NPAS3: variants seen among roughly 807,000 people sequenced by gnomAD.
The protein encoded by NPAS3 is neuronal PAS domain-containing protein 3.
NPAS3 carries 14 observed loss-of-function variants against 73.1 expected under a neutral mutation model. The ratio of observed to expected loss-of-function variants is 0.19; its 90% CI spans 0.13 to 0.30. The LOEUF (loss-of-function observed/expected upper bound fraction) is 0.30, where lower values mean the gene tolerates loss of function less well. Among genes scored for constraint, NPAS3 ranks in the 10% least tolerant of loss-of-function variants. The pLI is 1.00. For synonymous variants in NPAS3, 620 were observed against 541.5 expected, an observed-to-expected ratio of 1.14 and a Z score of -2.01; for missense variants, 1,096 against 1,250.0, an observed-to-expected ratio of 0.88 and a Z score of 1.86.
chr14:33,700,660 G>T (rs1340640452), intron 6 of NPAS3, among the ~76,000 whole-genome samples: 1 of 152,198 alleles, frequency 6.6e-6, no homozygotes, highest in East Asian at 1.9e-4. Context: ...GGTAAAGGCT[G>T]AAAAGCTTAT....
At position 33,657,781 on chromosome 14, in the gene NPAS3, AG is replaced by A. The variant is rs1440888344; in HGVS notation, c.559-18429del. On this transcript the variant is annotated intron_variant, in intron 5 of 11. Transcript: ENST00000356141. Reference sequence around the variant, plus strand: ...TCAAATACACAGGCATTAATTATGCAGATTATGTAAAAAAAAAAAAGATAAT... The same window carrying A: ...TCAAATACACAGGCATTAATTATGCAATTATGTAAAAAAAAAAAAGATAAT... Among the ~76,000 whole-genome samples the A allele has an allele frequency of 1.1e-4, 14 of 121,886 alleles. No homozygotes were observed. In the East Asian group the frequency reaches 3.4e-3, roughly 29 times the overall value. 80.0% of individuals were successfully genotyped at this position (121,886 alleles called of 152,430 possible).
chr14:33,373,810 A>T (rs1379323501), intron 4 of NPAS3, among the ~76,000 whole-genome samples: 1 of 152,170 alleles, frequency 6.6e-6, no homozygotes, highest in African/African-American at 2.4e-5. Context: ...AGAGAATTCC[A>T]TGAGCATACT....
At chr14:33,336,913 AT>A (rs1389556974) in intron 3 of NPAS3, among the ~76,000 whole-genome samples, 8 of 152,074 alleles carry the variant, frequency 5.3e-5, no homozygotes, top group Admixed American at 5.2e-4. Context: ...TATTTTGCCC[AT>A]TTTTTATTGG....
At chr14:33,722,702 G>A (rs2061150211) in intron 6 of NPAS3, among the ~76,000 whole-genome samples, 1 of 152,092 alleles carries the variant, frequency 6.6e-6, no homozygotes, top group South Asian at 2.1e-4. Flanking sequence ...AGATTCATTA[G>A]CAAAATAACA....
At chr14:32,990,770 T>A (rs2038297623) in intron 1 of NPAS3, among the ~76,000 whole-genome samples, 3 of 151,704 alleles carry the variant, frequency 2.0e-5, no homozygotes, top group Non-Finnish European at 1.5e-5. Context: ...TACAAAAAAA[T>A]TTAAAAAATA....
intron 6 of NPAS3, among the ~76,000 whole-genome samples, chr14:33,681,346 A>AAGTT (rs1595428403): frequency 6.6e-6 from 1 of 152,176 alleles, no homozygotes; most frequent in East Asian, 1.9e-4. Context: ...CTGAATTTAG[A>AAGTT]AGTTAGGCAA....
At chr14:33,528,703 G>A (rs1411703582) in intron 4 of NPAS3, among the ~76,000 whole-genome samples, 1 of 152,108 alleles carries the variant, frequency 6.6e-6, no homozygotes, top group African/African-American at 2.4e-5. Flanking sequence ...GTAGGTGACA[G>A]CGTCAGTGAG....
At chr14:33,238,852 G>A (rs557160921) in intron 3 of NPAS3, among the ~76,000 whole-genome samples, 90 of 151,968 alleles carry the variant, frequency 5.9e-4, no homozygotes, top group African/African-American at 2.1e-3. Flanking sequence ...AAAGTCTTGC[G>A]CCGTGTGGAA....
At chr14:33,760,030 C>T (rs2062234389) in intron 7 of NPAS3, among the ~76,000 whole-genome samples, 2 of 152,156 alleles carry the variant, frequency 1.3e-5, no homozygotes, top group Non-Finnish European at 2.9e-5. Flanking sequence ...ATTTCTCAAT[C>T]TTAAGGGTGA....
chr14:33,560,858 T>C (rs1253766405), intron 5 of NPAS3, among the ~76,000 whole-genome samples: 1 of 152,210 alleles, frequency 6.6e-6, no homozygotes, highest in Non-Finnish European at 1.5e-5. Context: ...GATATTCCCC[T>C]GGAACACAAA....
chr14:33,732,884 C>G (rs934116886), intron 6 of NPAS3, among the ~76,000 whole-genome samples: 5 of 148,794 alleles, frequency 3.4e-5, no homozygotes, highest in African/African-American at 1.3e-4. Context: ...TGTGTCTTCA[C>G]CCAGCTGGAA....
At chr14:33,314,528 G>A (rs1293670387) in intron 3 of NPAS3, among the ~76,000 whole-genome samples, 4 of 151,978 alleles carry the variant, frequency 2.6e-5, no homozygotes, top group African/African-American at 7.2e-5. Flanking sequence ...GGTGGTGGTG[G>A]TGGTGATTAT....
At chr14:33,245,175 A>G (rs1344135458) in intron 3 of NPAS3, among the ~76,000 whole-genome samples, 1 of 152,214 alleles carries the variant, frequency 6.6e-6, no homozygotes, top group African/African-American at 2.4e-5. Context: ...TATTAAAATC[A>G]TATATAGATG....
chr14:33,325,406 G>A (rs1400515807), intron 3 of NPAS3, among the ~76,000 whole-genome samples: 1 of 152,112 alleles, frequency 6.6e-6, no homozygotes, highest in Non-Finnish European at 1.5e-5. Context: ...AATACTTTGG[G>A]AGACCGAGGT....
intron 5 of NPAS3, chr14:33,612,346 A>G: frequency 2.2e-6 from 1 of 452,350 alleles, no homozygotes; most frequent in Non-Finnish European, 4.5e-6. Context: ...CTTCTTTATC[A>G]TCGCCCACAT....
intron 4 of NPAS3, among the ~76,000 whole-genome samples, chr14:33,399,379 C>A (rs966550839): frequency 6.6e-6 from 1 of 151,924 alleles, no homozygotes; most frequent in Non-Finnish European, 1.5e-5. Context: ...CAAGGTAAGG[C>A]AGATGTCCCT....
intron 2 of NPAS3, among the ~76,000 whole-genome samples, chr14:33,186,948 C>T (rs2139479200): frequency 6.6e-6 from 1 of 152,294 alleles, no homozygotes; most frequent in African/African-American, 2.4e-5. Context: ...TCCTCCAATA[C>T]ACAGAAATGC....
At chr14:33,064,591 G>C (rs1014637879) in intron 2 of NPAS3, among the ~76,000 whole-genome samples, 1 of 152,168 alleles carries the variant, frequency 6.6e-6, no homozygotes, top group African/African-American at 2.4e-5. Flanking sequence ...TGGTGGGCGG[G>C]GAGGGGGAGT....
chr14:33,304,420 T>G (rs896580447), intron 3 of NPAS3, among the ~76,000 whole-genome samples: 18 of 152,094 alleles, frequency 1.2e-4, no homozygotes, highest in Admixed American at 9.8e-4. Flanking sequence ...CAATCCTATT[T>G]TCTTATATTA....
Sources: gnomAD v4.1 joint callset for allele counts (sites outside exome capture counted in the v4.1 genomes callset) on GRCh38, gnomAD v4.1.1 for gene constraint, MANE v1.5 for transcripts, NCBI Gene and HGNC (gene_info 2026-07-23, HGNC 2026-07-21) for gene names.